The following VPS37A variants were observed in gnomAD, a reference collection of about 807,000 sequenced individuals.
The protein encoded by VPS37A is VPS37A subunit of ESCRT-I, also known as vacuolar protein sorting-associated protein 37A.
A neutral mutation model predicts 49.8 loss-of-function variants in VPS37A; 30 were observed. The observed-to-expected ratio is 0.60, with a 90% CI of 0.45 to 0.82. The LOEUF (loss-of-function observed/expected upper bound fraction) is 0.82, where lower values mean the gene tolerates loss of function less well. Ranked by LOEUF, VPS37A falls within the 40% of genes least tolerant of loss-of-function variation. VPS37A has a pLI of 0.00. For missense variants in VPS37A, 593 were observed against 464.4 expected (o/e 1.28, Z -2.55); for synonymous variants, 195 against 160.6 (o/e 1.21, Z -1.62).
chr8:17,326,716 A>C, the VPS37A span, among the ~76,000 whole-genome samples: 1 of 152,324 alleles, frequency 6.6e-6, no homozygotes, highest in East Asian at 1.9e-4. Context: ...GCCAACAACC[A>C]TAAGTGCTTG....
At chr8:17,290,075 C>T (rs1334231374) in intron 11 of VPS37A, among the ~76,000 whole-genome samples, 1 of 152,200 alleles carries the variant, frequency 6.6e-6, no homozygotes, top group Non-Finnish European at 1.5e-5. Flanking sequence ...GCTGAAGTTG[C>T]TTATCAGCTT....
At chr8:17,298,232 C>T (rs1210924641), downstream of VPS37A, 2 of 151,948 alleles carry the variant, frequency 1.3e-5, no homozygotes, top group Non-Finnish European at 2.9e-5. Flanking sequence ...GCAAGGTATT[C>T]CCTATTACAT....
At chr8:17,313,390 T>G in the VPS37A span, 3 of 1,610,090 alleles carry the variant, frequency 1.9e-6, no homozygotes, top group South Asian at 2.2e-5. Context: ...GAGGGAGATT[T>G]AAGTTCACAC....
chr8:17,267,247 TA>T, intron 2 of VPS37A, among the ~76,000 whole-genome samples: 1 of 152,276 alleles, frequency 6.6e-6, no homozygotes, highest in Non-Finnish European at 1.5e-5. Context: ...CAGGTAAAGC[TA>T]AGCAGGAGAG....
chr8:17,302,454 T>G (rs1166065292), downstream of VPS37A: 1 of 635,238 alleles, frequency 1.6e-6, no homozygotes, highest in East Asian at 3.0e-5. Context: ...TTTTTTTTCT[T>G]GGGTCAGTAA....
At chr8:17,248,687 A>C (rs1311790653) in intron 1 of VPS37A, among the ~76,000 whole-genome samples, 1 of 152,198 alleles carries the variant, frequency 6.6e-6, no homozygotes, top group Non-Finnish European at 1.5e-5. Flanking sequence ...TAGTCTAGTT[A>C]ATAGAAAAAT....
chr8:17,307,475 TGGC>T, the VPS37A span, among the ~76,000 whole-genome samples: 43 of 152,278 alleles, frequency 2.8e-4, no homozygotes, highest in African/African-American at 1.0e-3. Context: ...GAAGTCAGTG[TGGC>T]GATTCCTCAG....
the VPS37A span, among the ~76,000 whole-genome samples, chr8:17,321,816 A>G: frequency 9.9e-5 from 15 of 152,238 alleles, no homozygotes; most frequent in African/African-American, 3.4e-4. Flanking sequence ...TTTGTTTTAT[A>G]TAAAAGGACA....
At chr8:17,323,101 C>T in the VPS37A span, among the ~76,000 whole-genome samples, 1 of 151,840 alleles carries the variant, frequency 6.6e-6, no homozygotes, top group African/African-American at 2.4e-5. Context: ...GCATACACCA[C>T]CACGCCCAGC....
intron 11 of VPS37A, among the ~76,000 whole-genome samples, chr8:17,288,121 T>A (rs1244574672): frequency 1.3e-5 from 2 of 152,220 alleles, no homozygotes; most frequent in Admixed American, 6.5e-5. Flanking sequence ...TCTGCCAGCT[T>A]AAGAAGAAGT....
intron 1 of VPS37A, among the ~76,000 whole-genome samples, chr8:17,263,362 T>G (rs1466918450): frequency 6.6e-6 from 1 of 152,200 alleles, no homozygotes; most frequent in East Asian, 1.9e-4. Flanking sequence ...CCTGTTTTAA[T>G]TAAGTAAAAC....
chr8:17,283,549 AC>A (rs1322788730), intron 9 of VPS37A, among the ~76,000 whole-genome samples: 2 of 152,150 alleles, frequency 1.3e-5, no homozygotes, highest in Non-Finnish European at 2.9e-5. Context: ...TAAGGGTCCA[AC>A]TTTTTTCCTT....
chr8:17,287,858 A>T (rs1368105216), intron 11 of VPS37A, among the ~76,000 whole-genome samples: 1 of 152,028 alleles, frequency 6.6e-6, no homozygotes, highest in Non-Finnish European at 1.5e-5. Context: ...TTGGCCTGGA[A>T]ATTGGTATCC....
chr8:17,278,449 C>T (rs1216426496), intron 6 of VPS37A, among the ~76,000 whole-genome samples: 1 of 151,934 alleles, frequency 6.6e-6, no homozygotes, highest in Non-Finnish European at 1.5e-5. Context: ...TTAAATTTTT[C>T]CCCTTATATT....
At chr8:17,311,412 A>G in the VPS37A span, 2 of 1,507,386 alleles carry the variant, frequency 1.3e-6, no homozygotes, top group Non-Finnish European at 9.0e-7. Flanking sequence ...AAGAAAAATA[A>G]TGCTGGCAAG....
At chr8:17,280,487 T>C in intron 9 of VPS37A, 44 bp downstream of exon 9, 1 of 1,525,906 alleles carries the variant, frequency 6.6e-7, no homozygotes, top group South Asian at 1.2e-5. Context: ...ATTTTTTTTT[T>C]AATCTTATGT....
At chr8:17,304,658 T>C, downstream of VPS37A, 1 of 798,450 alleles carries the variant, frequency 1.3e-6, no homozygotes. Flanking sequence ...AAATGTATCA[T>C]CTTGGTGACT....
chr8:17,315,912 C>T, the VPS37A span, among the ~76,000 whole-genome samples: 1 of 152,094 alleles, frequency 6.6e-6, no homozygotes, highest in African/African-American at 2.4e-5. Context: ...ACTTGGGAGG[C>T]TGAGTTGAGA....
chr8:17,247,753 AAG>A, intron 1 of VPS37A: 2 of 702,630 alleles, frequency 2.8e-6, no homozygotes, highest in Non-Finnish European at 5.2e-6. Flanking sequence ...TACAATTGTG[AAG>A]AGTAATCTCC....
Sources: gnomAD v4.1 joint callset for allele counts (sites outside exome capture counted in the v4.1 genomes callset) on GRCh38, gnomAD v4.1.1 for gene constraint, MANE v1.5 for transcripts, NCBI Gene and HGNC (gene_info 2026-07-23, HGNC 2026-07-21) for gene names.